The following MCF2L2 variants were observed in gnomAD, a reference collection of about 807,000 sequenced individuals.
The protein encoded by MCF2L2 is MCF.2 cell line derived transforming sequence-like 2.
MCF2L2 carries 102 observed loss-of-function variants against 150.2 expected under a neutral mutation model. The observed-to-expected ratio is 0.68, with a 90% CI of 0.58 to 0.80. The LOEUF is 0.80. Ranked by LOEUF, MCF2L2 falls within the 30% of genes least tolerant of loss-of-function variation. MCF2L2 has a pLI of 0.00. For missense variants in MCF2L2, 1,256 were observed against 1,372.8 expected (o/e 0.91, Z 1.34); for synonymous variants, 465 against 491.3 (o/e 0.95, Z 0.71).
intron 25 of MCF2L2, among the ~76,000 whole-genome samples, chr3:183,199,402 C>T (rs925705919): frequency 2.6e-5 from 4 of 152,098 alleles, no homozygotes; most frequent in Non-Finnish European, 5.9e-5. Context: ...TGATAAAGCT[C>T]GCTGTGGATT....
chr3:183,233,826 G>A (rs1185823867), intron 15 of MCF2L2, among the ~76,000 whole-genome samples: 1 of 151,980 alleles, frequency 6.6e-6, no homozygotes, highest in African/African-American at 2.4e-5. Context: ...TGTTACTGGA[G>A]GTAATGATAT....
Position 183,273,346 on chromosome 3 carries a change from A to T in MCF2L2, c.1862+3526T>A, listed in dbSNP as rs188376090. On this transcript the variant is annotated intron_variant, in intron 15 of 29. Transcript: ENST00000328913. ...GTATGGCAAAATAATTAGTGAGTTT[A>T]AAAAAAATCTATAGTTTCCAATAAA... 1,442 of 232,648 alleles carry T rather than the reference A, an allele frequency of 6.2e-3. 21 individuals are homozygous for T. The highest frequency in any genetic ancestry group is 0.031 in the African/African-American group (1,364 of 44,210). The allele number at this position is 232,648 out of a possible 1,614,324, so 14.4% of individuals were successfully genotyped here.
In MCF2L2 at chr3:183,231,013, T is replaced by C; in HGVS notation, c.1867A>G (p.Ile623Val). The C allele has an allele frequency of 6.2e-7, 1 of 1,613,168 alleles. No individual in the cohort carries two copies. The highest frequency in any genetic ancestry group is 8.5e-7 in the Non-Finnish European group (1 of 1,179,338). ...RLGDLSPRRRIIRDLLETEEI... is the reference protein window; with the variant it reads ...RLGDLSPRRRVIRDLLETEEI... ...TCAGTCTCAAGCAAGTCACGTATAA[T>C]GCGCCTGAATCACAGCAGCAGGTGG... Residue 623 changes from isoleucine (I) to valine (V), a missense_variant, in exon 16 of 30, where the codon ATT (isoleucine) becomes GTT (valine). Ile to Val is a conservative substitution (Grantham distance 29, BLOSUM62 3). Coordinates refer to ENST00000328913, the MANE Select transcript of MCF2L2 (RefSeq NM_015078.4).
intron 3 of MCF2L2, among the ~76,000 whole-genome samples, chr3:183,361,782 A>C (rs975735963): frequency 9.2e-5 from 14 of 152,218 alleles, no homozygotes; most frequent in Non-Finnish European, 2.1e-4. Context: ...TAAATACTTA[A>C]GTGTGAATAA....
At chr3:183,323,431 A>C (rs1200656661) in intron 5 of MCF2L2, 80 bp from the exon 6 acceptor site, 1 of 569,792 alleles carries the variant, frequency 1.8e-6, no homozygotes, top group Admixed American at 3.0e-5. Context: ...TCTTATCATA[A>C]TTATATTTTA....
At position 183,270,344 on chromosome 3, in the gene MCF2L2, T is replaced by C. The variant is rs142129979; in HGVS notation, c.1862+6528A>G. The C allele has an allele frequency of 1.4e-5, 23 of 1,614,068 alleles. No individual in the cohort carries two copies. In the African/African-American group the frequency reaches 2.5e-4, roughly 18 times the overall value. On this transcript the variant is annotated intron_variant, in intron 15 of 29. Transcript: ENST00000328913. This position sits in a 1 kb window ranked among gnomAD's most constrained non-coding sequence, Gnocchi z 4.5. ...TGCAGTTCAGTTGGGCAAATACCTA[T>C]TGTCCACATGCCAAATTTCTTATGA...
At chr3:183,192,225 C>T (rs1007683041) in intron 27 of MCF2L2, among the ~76,000 whole-genome samples, 4 of 152,024 alleles carry the variant, frequency 2.6e-5, no homozygotes, top group Admixed American at 6.6e-5. Flanking sequence ...CTGCAACCTC[C>T]GCCTCCCAGG....
chr3:183,368,986 G>A (rs968877318), intron 3 of MCF2L2, among the ~76,000 whole-genome samples: 23 of 152,184 alleles, frequency 1.5e-4, no homozygotes, highest in African/African-American at 5.3e-4. Flanking sequence ...AATCCTTTAA[G>A]AAGTGTGTGG....
At position 183,341,570 on chromosome 3, in the gene MCF2L2, G is replaced by A. The variant is rs1196467888; in HGVS notation, c.336C>T (p.Ser112=). The A allele has an allele frequency of 1.9e-6, 3 of 1,613,840 alleles. No homozygotes were observed. Among genetic ancestry groups the A allele is most frequent in the African/African-American group, 2.7e-5 (2 of 74,916 alleles). Residue 112 remains serine, a synonymous_variant, in exon 4 of 30, where the codon AGC becomes AGT. Coordinates refer to ENST00000328913, the MANE Select transcript of MCF2L2 (RefSeq NM_015078.4). ...VVIDRRRDKW[S]SVKASLTRIA... is the part of the protein sequence containing the mutation. ...TTCGTGTCAAGGATGCCTTTACGGA[G>A]CTCCACTTGTCTCTTCGTCTGTCGA...
intron 2 of MCF2L2, among the ~76,000 whole-genome samples, chr3:183,389,330 A>G (rs920432364): frequency 6.6e-6 from 1 of 152,356 alleles, no homozygotes. Context: ...CCTTAGAACT[A>G]AGACCTTTGT....
chr3:183,261,311 AAACAGATGACGAGAAG>A (rs1725557637), intron 15 of MCF2L2, among the ~76,000 whole-genome samples: 1 of 152,202 alleles, frequency 6.6e-6, no homozygotes, highest in African/African-American at 2.4e-5. Context: ...ACTTAACAGG[AAACAGATGACGAGAAG>A]AAGCCAGGAA....
At chr3:183,222,310 G>C (rs994819040) in intron 20 of MCF2L2, among the ~76,000 whole-genome samples, 5 of 152,170 alleles carry the variant, frequency 3.3e-5, no homozygotes, top group Non-Finnish European at 7.3e-5. Flanking sequence ...CCAGCACTTT[G>C]GGAGGCTGAG....
intron 15 of MCF2L2, among the ~76,000 whole-genome samples, chr3:183,245,760 C>T (rs1172087929): frequency 6.6e-6 from 1 of 152,114 alleles, no homozygotes; most frequent in Admixed American, 6.6e-5. Flanking sequence ...TAGACCCATA[C>T]GAGGATCATA....
At chr3:183,342,761 C>T (rs1259994736) in intron 3 of MCF2L2, among the ~76,000 whole-genome samples, 1 of 151,838 alleles carries the variant, frequency 6.6e-6, no homozygotes, top group African/African-American at 2.4e-5. Context: ...TCTTTCTTTT[C>T]TCCACTTCTA....
rs754395602 is a variant in MCF2L2 at position 183,294,633 on chromosome 3, A to ATT, written c.1675+665_1675+666dup. ...TGTGTGTGTATATATATATATATAT[A>ATT]TTTTTTTTTTTTTGAGACGGAGTCT... On this transcript the variant is annotated intron_variant, in intron 13 of 29. Transcript: ENST00000328913. Among the ~76,000 whole-genome samples the ATT allele has an allele frequency of 1.4e-3, 180 of 129,860 alleles. 1 individual carries two copies. The highest frequency in any genetic ancestry group is 0.011 in the East Asian group (52 of 4,642). 85.2% of individuals were successfully genotyped at this position (129,860 alleles called of 152,430 possible). A position where few individuals can be genotyped will look rare whatever the true frequency, so the allele number is the denominator to read the frequency against.
At chr3:183,315,412 T>C (rs1165827477) in intron 7 of MCF2L2, among the ~76,000 whole-genome samples, 2 of 152,240 alleles carry the variant, frequency 1.3e-5, no homozygotes, top group Non-Finnish European at 2.9e-5. Context: ...TAGAGCTGCA[T>C]GGAATATAAA....
Position 183,270,893 on chromosome 3 carries a change from T to A in MCF2L2, c.1862+5979A>T. On this transcript the variant is annotated intron_variant, in intron 15 of 29. Coordinates refer to ENST00000328913, the MANE Select transcript of MCF2L2 (RefSeq NM_015078.4). This position sits in a 1 kb window ranked among gnomAD's most constrained non-coding sequence, Gnocchi z 4.5. ...TGAAGATAATTCTCCTTTGTAAAAT[T>A]AGCTATGTGGACACATACCCTTGTA... is the stretch of plus-strand genomic sequence containing the variant. 6.2e-7 allele frequency: 1 copy of A among 1,606,510 alleles called. No individual in the cohort carries two copies. Among genetic ancestry groups the A allele is most frequent in the Non-Finnish European group, 8.5e-7 (1 of 1,177,214 alleles).
At chr3:183,293,639 T>G (rs1728294414) in intron 13 of MCF2L2, among the ~76,000 whole-genome samples, 1 of 152,240 alleles carries the variant, frequency 6.6e-6, no homozygotes, top group South Asian at 2.1e-4. Flanking sequence ...AGATGAAACT[T>G]GAACTCTTTT....
At chr3:183,307,212 G>A (rs750383579) in intron 10 of MCF2L2, among the ~76,000 whole-genome samples, 4 of 152,190 alleles carry the variant, frequency 2.6e-5, no homozygotes, top group Admixed American at 2.0e-4. Context: ...CCTTAGTGCC[G>A]AGTAAAGGAC....
Sources: gnomAD v4.1 joint callset for allele counts (sites outside exome capture counted in the v4.1 genomes callset) on GRCh38, gnomAD v4.1.1 for gene constraint, Gnocchi (gnomAD v3.1) non-coding constraint, MANE v1.5 for transcripts, NCBI Gene and HGNC (gene_info 2026-07-23, HGNC 2026-07-21) for gene names.